Variants in ARAP1 observed in about 807,000 individuals in gnomAD.
ARAP1 encodes the protein ArfGAP with RhoGAP domain, ankyrin repeat and PH domain 1.
ARAP1 carries 76 observed loss-of-function variants against 172.2 expected under a neutral mutation model. The ratio of observed to expected loss-of-function variants is 0.44; its 90% confidence interval spans 0.37 to 0.53. The LOEUF (loss-of-function observed/expected upper bound fraction) is 0.53, where lower values mean the gene tolerates loss of function less well. ARAP1 is among the 20% of genes least tolerant of loss of function. The pLI, the probability that ARAP1 is intolerant of heterozygous loss-of-function variation, is 0.00. For synonymous variants in ARAP1, 804 were observed against 803.3 expected, an observed-to-expected ratio of 1.00 and a Z score of -0.01; for missense variants, 1,686 against 1,977.5, an observed-to-expected ratio of 0.85 and a Z score of 2.80.
chr11:72,724,790 A>C (rs1857636503), intron 3 of ARAP1, among the ~76,000 whole-genome samples: 1 of 152,202 alleles, frequency 6.6e-6, no homozygotes, highest in African/African-American at 2.4e-5. Flanking sequence ...CCCAAATTGC[A>C]GGAAATACTT....
chr11:72,697,176 G>T lies in ARAP1; in HGVS notation c.2973C>A (p.Ile991=). The T allele has an allele frequency of 3.7e-6, 6 of 1,602,676 alleles. No individual in the cohort carries two copies. Among genetic ancestry groups the T allele is most frequent in the Non-Finnish European group, 5.1e-6 (6 of 1,179,612 alleles). Residue 991 remains isoleucine, a synonymous_variant, in exon 22 of 35, where the codon ATC becomes ATA. Transcript: ENST00000393609. ...TCGATGTCTGCCCACACTTGCGGTA[G>T]ATGCCCTCGGAGGTCAGGCCTAGGG... ...ITQCGLTSEG[I]YRKCGQTSKT...
rs1268842996 is a variant in ARAP1, at chr11:72,688,483, C to G, written c.4042G>C (p.Val1348Leu). Residue 1348 changes from valine (V) to leucine (L), a missense_variant, in exon 31 of 35, where the codon GTG becomes CTG. By Grantham distance (32) the Val-to-Leu change is conservative. This residue lies in a region of ARAP1 where 379 missense variants were observed against 500.1 expected (regional missense o/e 0.76). Coordinates refer to ENST00000393609, the MANE Select transcript of ARAP1 (RefSeq NM_001040118.3). ...PIKSLKVYLGVKKKLRPPTCW... is the reference protein window; with the variant it reads ...PIKSLKVYLGLKKKLRPPTCW... ...GTGGGTGGCCTGAGTTTCTTCTTCACTCCCAGGTAGACTTTGAGACTCTTA... is the reference window on the plus strand; with the variant it reads ...GTGGGTGGCCTGAGTTTCTTCTTCAGTCCCAGGTAGACTTTGAGACTCTTA... 1.2e-6 allele frequency: 2 copies of G among 1,612,624 alleles called. No individual in the cohort carries two copies. The highest frequency in any genetic ancestry group is 2.7e-5 in the African/African-American group (2 of 74,878).
chr11:72,713,069 C>T, intron 5 of ARAP1, 107 bp downstream of exon 5: 2 of 1,219,380 alleles, frequency 1.6e-6, no homozygotes, highest in Non-Finnish European at 2.4e-6. Context: ...GGGAAGCCTC[C>T]CGGGAAATGG....
At chr11:72,707,032 C>T (rs1856799531) in intron 12 of ARAP1, 143 bp downstream of exon 12, 1 of 864,540 alleles carries the variant, frequency 1.2e-6, no homozygotes, top group African/African-American at 1.7e-5. Context: ...AAGCTAATCA[C>T]AGGTGTGCAG....
At position 72,695,187 on chromosome 11, in the gene ARAP1, C is replaced by T. The variant is rs1856126749; in HGVS notation, c.3577-90G>A. ...ATGTGACTCAGAGCCTGAGCCCATCCTTCTCAGGCCCTTCTGGAGTCCTGG... is the reference window on the plus strand; with the variant it reads ...ATGTGACTCAGAGCCTGAGCCCATCTTTCTCAGGCCCTTCTGGAGTCCTGG... On this transcript the variant is annotated intron_variant, in intron 26 of 34. Transcript: ENST00000393609. The surrounding 1 kb of genome is among the most constrained non-coding windows in gnomAD (Gnocchi z 4.4). 7.0e-7 allele frequency: 1 copy of T among 1,432,114 alleles called. No homozygotes were observed. Among genetic ancestry groups the T allele is most frequent in the South Asian group, 1.2e-5 (1 of 83,688 alleles). The allele number at this position is 1,432,114 out of a possible 1,614,324, so 88.7% of individuals were successfully genotyped here.
At chr11:72,707,495 G>T in intron 11 of ARAP1, 121 bp from the exon 12 acceptor site, 1 of 851,640 alleles carries the variant, frequency 1.2e-6, no homozygotes. Context: ...AAAAGAGTGA[G>T]GCATCCCACT....
chr11:72,698,011 G>T lies in ARAP1; in HGVS notation c.2637C>A (p.Ala879=). 3 of 1,611,414 alleles carry T rather than the reference G, an allele frequency of 1.9e-6. No individual in the cohort carries two copies. Among genetic ancestry groups the T allele is most frequent in the Non-Finnish European group, 2.5e-6 (3 of 1,179,002 alleles). The change falls in exon 19 of 35, where the codon GCC becomes GCA. Residue 879 remains alanine (A), a synonymous_variant. Transcript: ENST00000393609. ...PYKAGLSLQR[A]QEGWFSLSGS... ...CACTGAGAGAGAACCAGCCCTCCTGGGCCCGCTGTAGGCTCAGGCCAGCTT... is the reference window on the plus strand; with the variant it reads ...CACTGAGAGAGAACCAGCCCTCCTGTGCCCGCTGTAGGCTCAGGCCAGCTT...
At chr11:72,716,859 A>G (rs560483417) in intron 3 of ARAP1, among the ~76,000 whole-genome samples, 27 of 152,100 alleles carry the variant, frequency 1.8e-4, no homozygotes, top group Non-Finnish European at 3.5e-4. Context: ...TCCCTACCCA[A>G]CGGGCCTCTC....
rs771187419 is a variant in ARAP1, at chr11:72,726,861, G to A, written c.268C>T (p.Arg90Cys). Residue 90 changes from arginine (R) to cysteine (C), a missense_variant, in exon 3 of 35, where the codon CGC becomes TGC. Physicochemically the swap from Arg to Cys is radical, Grantham distance 180 (BLOSUM62 -3). Coordinates refer to ENST00000393609, the MANE Select transcript of ARAP1 (RefSeq NM_001040118.3). This position sits in a 1 kb window ranked among gnomAD's most constrained non-coding sequence, Gnocchi z 6.5. ...RPVPMKRHIF[R>C]SPPVPATPPE... ...GGAGTGGCAGGCACAGGTGGTGAGC[G>A]GAAGATGTGGCGCTTCATGGGCACA... 3.2e-5 allele frequency: 50 copies of A among 1,563,888 alleles called. No homozygotes were observed. In the East Asian group the frequency reaches 9.3e-4, roughly 29 times the overall value.
chr11:72,692,866 G>A (rs1261198958), intron 29 of ARAP1, 81 bp from the exon 30 acceptor site: 1 of 1,573,566 alleles, frequency 6.4e-7, no homozygotes, highest in Admixed American at 1.7e-5. Context: ...TGTGGGGTTG[G>A]GGTGTGTGTA....
rs938511780 is a variant in ARAP1 at position 72,693,451 on chromosome 11, G to C, written c.3828C>G (p.Thr1276=). The part of the protein sequence containing the change: ...LLYLASRVGD[T]KHGMMKFRED... ...CACGGAACTTCATCATGCCATGCTTGGTGTCACCGACACGGCTGGCTGGGG... is the reference window on the plus strand; with the variant it reads ...CACGGAACTTCATCATGCCATGCTTCGTGTCACCGACACGGCTGGCTGGGG... The change falls in exon 29 of 35, where the codon ACC becomes ACG. Residue 1276 remains threonine, a synonymous_variant. Coordinates refer to ENST00000393609, the MANE Select transcript of ARAP1 (RefSeq NM_001040118.3). This position sits in a 1 kb window ranked among gnomAD's most constrained non-coding sequence, Gnocchi z 4.6. The C allele has an allele frequency of 6.2e-7, 1 of 1,613,418 alleles. No homozygotes were observed. The highest frequency in any genetic ancestry group is 1.1e-5 in the South Asian group (1 of 91,080).
Position 72,693,361 on chromosome 11 carries a change from G to A in ARAP1, c.3918C>T (p.Leu1306=). 3 of 1,613,944 alleles carry A rather than the reference G, an allele frequency of 1.9e-6. No individual in the cohort carries two copies. In the South Asian group the frequency reaches 3.3e-5, roughly 18 times the overall value. Residue 1306 remains leucine, a synonymous_variant, in exon 29 of 35, where the codon CTC becomes CTT. Transcript: ENST00000393609. This position sits in a 1 kb window ranked among gnomAD's most constrained non-coding sequence, Gnocchi z 4.6. ...SGGFHDRYFI[L]NSSCLRLYKE... ...TGTAGAGCCGCAAGCAGCTGCTGTT[G>A]AGGATGAAGTAGCGATCGTGGAAGC...
In ARAP1 at chr11:72,693,196, TC is replaced by T; in HGVS notation, c.3954+128del. On this transcript the variant is annotated intron_variant, in intron 29 of 34. Transcript: ENST00000393609. The surrounding 1 kb of genome is among the most constrained non-coding windows in gnomAD (Gnocchi z 4.6). ...GAGGGGTCTTGAGAGTCTACAGTTC[TC>T]CCCCACTGCTGTGCCATCCTGAGAG... is the stretch of plus-strand genomic sequence containing the variant. 1 of 1,359,778 alleles carries T rather than the reference TC, an allele frequency of 7.4e-7. No individual in the cohort carries two copies. The highest frequency in any genetic ancestry group is 2.4e-5 in the East Asian group (1 of 41,366). 84.2% of individuals were successfully genotyped at this position (1,359,778 alleles called of 1,614,324 possible).
At chr11:72,745,228 G>A (rs1032882082) in intron 1 of ARAP1, among the ~76,000 whole-genome samples, 1 of 127,956 alleles carries the variant, frequency 7.8e-6, no homozygotes, top group African/African-American at 3.1e-5. Context: ...TCGCTCTGTC[G>A]CCCAGGCTGG....
intron 1 of ARAP1, among the ~76,000 whole-genome samples, chr11:72,738,648 A>G (rs1294873851): frequency 6.6e-6 from 1 of 152,050 alleles, no homozygotes; most frequent in African/African-American, 2.4e-5. Context: ...CGACCCCAGC[A>G]TCCAGACCTC....
chr11:72,715,821 C>T lies in ARAP1; in HGVS notation c.510-1500G>A, dbSNP rs543947511. 7.2e-5 allele frequency among the ~76,000 whole-genome samples: 11 copies of T among 152,258 alleles called. No homozygotes were observed. In the East Asian group the frequency reaches 1.9e-3, roughly 27 times the overall value. ...AAGCAATCCTTTAACTCTAAAACCA[C>T]ATTTCCCTTCTCTGAAAGTCTTCCT... is the stretch of plus-strand genomic sequence containing the variant. On this transcript the variant is annotated intron_variant, in intron 3 of 34. Coordinates refer to ENST00000393609, the MANE Select transcript of ARAP1 (RefSeq NM_001040118.3).
In ARAP1 at chr11:72,697,596, ACCT is replaced by A. The variant is rs1439447611; in HGVS notation, c.2788_2789+1del. 1.1e-5 allele frequency: 17 copies of A among 1,613,958 alleles called. No individual in the cohort carries two copies. The highest frequency in any genetic ancestry group is 1.4e-5 in the Non-Finnish European group (16 of 1,179,932). ...GAGCCCCTCAGGGAGGCCGTGGCTC[ACCT>A]CCTTCGCTCCACCAGCACCAGCACC... On this transcript the variant is annotated splice_donor_variant and coding_sequence_variant, in exon 20 of 35. Transcript: ENST00000393609. LOFTEE classifies it high-confidence loss of function.
At chr11:72,737,738 T>G (rs1160485094) in intron 1 of ARAP1, among the ~76,000 whole-genome samples, 2 of 151,888 alleles carry the variant, frequency 1.3e-5, no homozygotes, top group African/African-American at 4.8e-5. Flanking sequence ...TCCTCCTACC[T>G]CAGCCTCTCC....
In ARAP1 at chr11:72,685,624, C is replaced by T. The variant is rs1855636615; in HGVS notation, c.*40G>A. On this transcript the variant is annotated 3_prime_UTR_variant, in exon 35 of 35. Coordinates refer to ENST00000393609, the MANE Select transcript of ARAP1 (RefSeq NM_001040118.3). ...TAAGGGGTGTCTGAACAGAAGGCTT[C>T]CAGCGGCGGAATCCTAGAGCCAAGG... 3 of 1,614,024 alleles carry T rather than the reference C, an allele frequency of 1.9e-6. No individual in the cohort carries two copies. The highest frequency in any genetic ancestry group is 1.3e-5 in the African/African-American group (1 of 74,946).
Sources: gnomAD v4.1 joint callset for allele counts (sites outside exome capture counted in the v4.1 genomes callset) on GRCh38, gnomAD v4.1.1 for gene constraint, gnomAD v4.1.1 regional missense constraint, Gnocchi (gnomAD v3.1) non-coding constraint, MANE v1.5 for transcripts, NCBI Gene and HGNC (gene_info 2026-07-23, HGNC 2026-07-21) for gene names.